GTF3C1: variants seen among roughly 807,000 people sequenced by gnomAD.
The protein encoded by GTF3C1 is general transcription factor IIIC subunit 1.
In GTF3C1, 57 loss-of-function variants were observed where a neutral mutation model predicts 226.7. The ratio of observed to expected loss-of-function variants is 0.25; its 90% CI spans 0.20 to 0.31. The LOEUF is 0.31. Among genes scored for constraint, GTF3C1 ranks in the 10% least tolerant of loss-of-function variants. The pLI is 1.00. For synonymous variants in GTF3C1, 1,090 were observed against 1,084.8 expected (o/e 1.00, Z -0.09); for missense variants, 2,217 against 2,776.1 (o/e 0.80, Z 4.53).
At chr16:27,510,754 G>A (rs181679394) in intron 7 of GTF3C1, among the ~76,000 whole-genome samples, 1 of 152,282 alleles carries the variant, frequency 6.6e-6, no homozygotes, top group East Asian at 1.9e-4. Flanking sequence ...CACCGCCTGT[G>A]ACACTAGGCC....
intron 29 of GTF3C1, among the ~76,000 whole-genome samples, chr16:27,476,058 C>A (rs1334782553): frequency 1.3e-5 from 2 of 152,128 alleles, no homozygotes; most frequent in Non-Finnish European, 2.9e-5. Flanking sequence ...AGATGCTAAG[C>A]CCTGGAGGCT....
chr16:27,508,459 T>C, intron 8 of GTF3C1, 81 bp downstream of exon 8: 1 of 1,113,132 alleles, frequency 9.0e-7, no homozygotes, highest in Non-Finnish European at 1.4e-6. Flanking sequence ...CATCGAGTCT[T>C]CTGACTGAGA....
intron 6 of GTF3C1, among the ~76,000 whole-genome samples, chr16:27,516,092 G>C (rs540194297): frequency 5.3e-5 from 8 of 152,216 alleles, no homozygotes; most frequent in Non-Finnish European, 1.0e-4. Flanking sequence ...CCTAGCACAG[G>C]GGAGAGGCAT....
intron 21 of GTF3C1, 135 bp downstream of exon 21, chr16:27,488,908 G>C: frequency 1.2e-6 from 1 of 805,882 alleles, no homozygotes; most frequent in Non-Finnish European, 2.1e-6. Flanking sequence ...AACAGGCCAG[G>C]CACACATTTA....
intron 6 of GTF3C1, among the ~76,000 whole-genome samples, chr16:27,513,216 G>A (rs1261746992): frequency 6.6e-6 from 1 of 152,174 alleles, no homozygotes; most frequent in Non-Finnish European, 1.5e-5. Context: ...ACTTTGGGAG[G>A]CCAAAGCGGG....
At chr16:27,483,469 A>C in intron 25 of GTF3C1, 1 of 481,210 alleles carries the variant, frequency 2.1e-6, no homozygotes, top group Non-Finnish European at 4.1e-6. Context: ...AAAACATCAA[A>C]CAGGCTTTGG....
intron 32 of GTF3C1, chr16:27,465,747 C>G: frequency 1.7e-6 from 1 of 585,790 alleles, no homozygotes; most frequent in Non-Finnish European, 3.0e-6. Flanking sequence ...CTACAGCTGA[C>G]TGGGACACAA....
chr16:27,471,753 GTAGGTC>G lies in GTF3C1; in HGVS notation c.4515_4520del (p.Gln1505_Tyr1507delinsHis), dbSNP rs769923342. 1 of 1,613,364 alleles carries G rather than the reference GTAGGTC, an allele frequency of 6.2e-7. No individual in the cohort carries two copies. The highest frequency in any genetic ancestry group is 2.2e-5 in the East Asian group (1 of 44,880). On this transcript the variant is annotated inframe_deletion, in exon 30 of 37. Coordinates refer to ENST00000356183, the MANE Select transcript of GTF3C1 (RefSeq NM_001520.4). This position sits in a 1 kb window ranked among gnomAD's most constrained non-coding sequence, Gnocchi z 5.0. ...GGCTCCTGACAGGTACTCACCTGTA[GTAGGTC>G]TGGGATAGCTGGTAGGACATTGGCA...
chr16:27,518,593 A>G (rs563879264), intron 6 of GTF3C1, among the ~76,000 whole-genome samples: 1 of 152,320 alleles, frequency 6.6e-6, no homozygotes, highest in African/African-American at 2.4e-5. Flanking sequence ...TGGGCTGAAA[A>G]TATCAGAGAG....
chr16:27,498,655 T>C lies in GTF3C1; in HGVS notation c.2140A>G (p.Ile714Val). 1 of 1,598,694 alleles carries C rather than the reference T, an allele frequency of 6.3e-7. No homozygotes were observed. The highest frequency in any genetic ancestry group is 1.1e-5 in the South Asian group (1 of 90,788). ...CTGTTGGCTGTGCTTGAATTGGAGA[T>C]CCGGAAGCGGACCTGCTCGATGGCA... ...RSAIEQVRFR[I>V]SNSSTANRVK... is the part of the protein sequence containing the mutation. The change falls in exon 13 of 37, where the codon ATC (isoleucine) becomes GTC (valine). Residue 714 changes from isoleucine to valine, a missense_variant. Physicochemically the swap from Ile to Val is conservative, Grantham distance 29. Coordinates refer to ENST00000356183, the MANE Select transcript of GTF3C1 (RefSeq NM_001520.4).
In GTF3C1 at chr16:27,488,277, C is replaced by T. The variant is rs146065630; in HGVS notation, c.3650G>A (p.Arg1217Gln). 4.0e-5 allele frequency: 64 copies of T among 1,614,082 alleles called. No individual in the cohort carries two copies. The highest frequency in any genetic ancestry group is 5.3e-5 in the African/African-American group (4 of 74,916). Residue 1217 changes from arginine (R) to glutamine (Q), a missense_variant, in exon 23 of 37, where the codon CGG becomes CAG. Arg to Gln is a conservative substitution (Grantham distance 43). Transcript: ENST00000356183. ...RRVRGGKSQK[R>Q]KRLKKDPGKK... ...CCCAGGGTCCTTCTTCAGCCGCTTC[C>T]GCTTCTGGCTTTTCCCACCCCTCAC...
intron 10 of GTF3C1, among the ~76,000 whole-genome samples, chr16:27,503,409 T>C (rs1386270727): frequency 6.6e-6 from 1 of 152,238 alleles, no homozygotes; most frequent in Non-Finnish European, 1.5e-5. Context: ...TTTATCATCA[T>C]AGTTCCCATT....
chr16:27,481,006 A>G (rs1203560644), intron 27 of GTF3C1, 73 bp downstream of exon 27: 6 of 1,268,614 alleles, frequency 4.7e-6, no homozygotes, highest in African/African-American at 1.5e-5. Flanking sequence ...GGACCTGCTG[A>G]TAAGGGAGAC....
In GTF3C1 at chr16:27,537,858, G is replaced by A; in HGVS notation, c.678C>T (p.Ser226=). The A allele has an allele frequency of 6.2e-7, 1 of 1,612,708 alleles. No individual in the cohort carries two copies. Among genetic ancestry groups the A allele is most frequent in the Middle Eastern group, 1.7e-4 (1 of 6,060 alleles). ...LNKNGLITMQ[S]HVIRLPTGAQ... ...CTCCAGTGGGTAATCGGATCACATGGGACTGCATTGTAATCAGCCCGTTTT... is the reference window on the plus strand; with the variant it reads ...CTCCAGTGGGTAATCGGATCACATGAGACTGCATTGTAATCAGCCCGTTTT... The change falls in exon 4 of 37, where the codon TCC becomes TCT. Residue 226 remains serine, a synonymous_variant. Transcript: ENST00000356183.
chr16:27,545,375 T>C lies in GTF3C1; in HGVS notation c.370A>G (p.Thr124Ala), dbSNP rs2089148036. The C allele has an allele frequency of 1.2e-6, 2 of 1,613,876 alleles. No individual in the cohort carries two copies. Among genetic ancestry groups the C allele is most frequent in the African/African-American group, 1.3e-5 (1 of 74,934 alleles). The change falls in exon 2 of 37, where the codon ACC becomes GCC. Residue 124 changes from threonine to alanine, a missense_variant. Thr to Ala is a moderately conservative substitution (Grantham distance 58). Transcript: ENST00000356183. ...CRYFKERKNITNDIRTKSLQP... is the reference protein window; with the variant it reads ...CRYFKERKNIANDIRTKSLQP... ...AAGGACTTGGTTCTGATGTCATTGGTAATGTTTTTCCTCTCCTTAAAGTAG... is the reference window on the plus strand; with the variant it reads ...AAGGACTTGGTTCTGATGTCATTGGCAATGTTTTTCCTCTCCTTAAAGTAG...
At chr16:27,531,678 G>A (rs1337291946) in intron 5 of GTF3C1, among the ~76,000 whole-genome samples, 1 of 152,214 alleles carries the variant, frequency 6.6e-6, no homozygotes, top group African/African-American at 2.4e-5. Context: ...GTCAAGGCTT[G>A]CTGCTAACAC....
Position 27,482,937 on chromosome 16 carries a change from C to T in GTF3C1, c.4083+107G>A, listed in dbSNP as rs2088077926. ...TCTCAAGTGAGCAGGAAACAAAGTC[C>T]ACGTTCCTAAGGCTGGCAGGGGCAC... is the stretch of plus-strand genomic sequence containing the variant. On this transcript the variant is annotated intron_variant, in intron 26 of 36. Coordinates refer to ENST00000356183, the MANE Select transcript of GTF3C1 (RefSeq NM_001520.4). The T allele has an allele frequency of 1.0e-5, 9 of 896,048 alleles. No homozygotes were observed. In the South Asian group the frequency reaches 1.3e-4, roughly 13 times the overall value. The allele number at this position is 896,048 out of a possible 1,614,324, so 55.5% of individuals were successfully genotyped here. A position where few individuals can be genotyped will look rare whatever the true frequency, so the allele number is the denominator to read the frequency against.
chr16:27,470,195 G>A lies in GTF3C1; in HGVS notation c.4727C>T (p.Ser1576Phe). The A allele has an allele frequency of 1.2e-6, 2 of 1,613,670 alleles. No individual in the cohort carries two copies. Among genetic ancestry groups the A allele is most frequent in the Non-Finnish European group, 1.7e-6 (2 of 1,179,528 alleles). The change falls in exon 31 of 37, where the codon TCT (serine) becomes TTT (phenylalanine). Residue 1576 changes from serine to phenylalanine, a missense_variant. Physicochemically the swap from Ser to Phe is radical, Grantham distance 155. Transcript: ENST00000356183. This position sits in a 1 kb window ranked among gnomAD's most constrained non-coding sequence, Gnocchi z 4.9. ...GACATCCACAGAAATGAGGCCCAGA[G>A]AGAAGAGGGTCAGGACGGCCACACA... ...GNCVAVLTLF[S>F]LGLISVDVRI...
chr16:27,535,187 T>G (rs2088981541), intron 4 of GTF3C1, among the ~76,000 whole-genome samples: 1 of 152,232 alleles, frequency 6.6e-6, no homozygotes, highest in African/African-American at 2.4e-5. Flanking sequence ...TAAAATTAAC[T>G]GTAATACACA....
Sources: gnomAD v4.1 joint callset for allele counts (sites outside exome capture counted in the v4.1 genomes callset) on GRCh38, gnomAD v4.1.1 for gene constraint, Gnocchi (gnomAD v3.1) non-coding constraint, MANE v1.5 for transcripts, NCBI Gene and HGNC (gene_info 2026-07-23, HGNC 2026-07-21) for gene names.